The following LGALS2 variants were observed in gnomAD, a reference collection of about 807,000 sequenced individuals.
The protein encoded by LGALS2 is galectin-2.
A neutral mutation model predicts 10.1 loss-of-function variants in LGALS2; 7 were observed. The observed-to-expected ratio is 0.70, with a 90% confidence interval of 0.40 to 1.31. The LOEUF (loss-of-function observed/expected upper bound fraction) is 1.31. Among genes scored for constraint, LGALS2 ranks in the 50% most tolerant of loss-of-function variants. The pLI, the probability that LGALS2 is intolerant of heterozygous loss-of-function variation, is 0.01. For missense variants in LGALS2, 167 were observed against 163.6 expected (o/e 1.02, Z -0.11); for synonymous variants, 86 against 64.2 (o/e 1.34, Z -1.63).
chr22:37,570,955 A>C (rs1014890097), intron 2 of LGALS2, among the ~76,000 whole-genome samples: 15 of 152,212 alleles, frequency 9.9e-5, no homozygotes, highest in African/African-American at 3.4e-4. Flanking sequence ...AGGGTAACTG[A>C]TAGTGACAGC....
chr22:37,575,670 G>A (rs939677459), intron 1 of LGALS2, among the ~76,000 whole-genome samples: 1 of 150,902 alleles, frequency 6.6e-6, no homozygotes, highest in African/African-American at 2.4e-5. Context: ...GTCCAGGCCA[G>A]CCTCGACCTC....
At chr22:37,571,562 C>T (rs889117466) in intron 2 of LGALS2, among the ~76,000 whole-genome samples, 9 of 152,196 alleles carry the variant, frequency 5.9e-5, no homozygotes, top group Admixed American at 3.9e-4. Flanking sequence ...GCACCTGCCC[C>T]GCAGGGGGCC....
intron 1 of LGALS2, among the ~76,000 whole-genome samples, chr22:37,572,991 A>G (rs1179337755): frequency 1.4e-5 from 2 of 147,140 alleles, no homozygotes; most frequent in Non-Finnish European, 1.5e-5. Flanking sequence ...CAAAAAAAAA[A>G]GGCCGGGCAC....
intron 1 of LGALS2, among the ~76,000 whole-genome samples, chr22:37,577,102 G>A (rs182712853): frequency 2.0e-5 from 3 of 152,224 alleles, no homozygotes; most frequent in African/African-American, 4.8e-5. Context: ...CTTATCTGTC[G>A]TATAAGGGAT....
At chr22:37,575,550 T>C (rs1925647948) in intron 1 of LGALS2, among the ~76,000 whole-genome samples, 1 of 151,744 alleles carries the variant, frequency 6.6e-6, no homozygotes, top group Admixed American at 6.6e-5. Flanking sequence ...AGCCTTGACC[T>C]CTTGGGCTCA....
rs185987788 is a variant in LGALS2, at chr22:37,571,541, G to A, written c.89+308C>T. On this transcript the variant is annotated intron_variant, in intron 2 of 3. Coordinates refer to ENST00000215886, the MANE Select transcript of LGALS2 (RefSeq NM_006498.3). ...GGGTGGTGTCTCTGGGGATTTGGGC[G>A]TTCCCTAGAGGCACCTGCCCCGCAG... Among the ~76,000 whole-genome samples, 232 of 152,280 alleles carry A rather than the reference G, an allele frequency of 1.5e-3. 1 individual carries two copies. The highest frequency in any genetic ancestry group is 5.2e-3 in the African/African-American group (215 of 41,558).
At position 37,579,247 on chromosome 22, in the gene LGALS2, C is replaced by CAAA. The variant is rs111697536; in HGVS notation, c.6+650_6+652dup. The stretch of plus-strand genomic sequence containing the variant: ...TGGGCAACAGAGCGAGACTCCATCT[C>CAAA]AAAAAAAAAAAAAAAAAGAGAAAGA... On this transcript the variant is annotated intron_variant, in intron 1 of 3. Transcript: ENST00000215886. Among the ~76,000 whole-genome samples the CAAA allele has an allele frequency of 5.8e-3, 194 of 33,574 alleles. 17 individuals carry two copies. Among genetic ancestry groups the CAAA allele is most frequent in the African/African-American group, 0.019 (184 of 9,446 alleles). The allele number at this position is 33,574 out of a possible 152,430, so 22.0% of individuals were successfully genotyped here. A position where few individuals can be genotyped will look rare whatever the true frequency, so the allele number is the denominator to read the frequency against.
intron 1 of LGALS2, among the ~76,000 whole-genome samples, chr22:37,573,159 TA>T (rs1482332056): frequency 6.6e-6 from 1 of 151,936 alleles, no homozygotes. Context: ...TAGTCCCAGC[TA>T]CTTGGGAGGC....
intron 1 of LGALS2, among the ~76,000 whole-genome samples, chr22:37,575,876 G>C (rs73884093): frequency 0.081 from 12,265 of 152,296 alleles, 1,244 homozygotes; most frequent in African/African-American, 0.24. Flanking sequence ...AGCCTTGGCC[G>C]TCTGGACGTT....
At chr22:37,578,138 G>C (rs572292155) in intron 1 of LGALS2, among the ~76,000 whole-genome samples, 1 of 152,238 alleles carries the variant, frequency 6.6e-6, no homozygotes, top group Non-Finnish European at 1.5e-5. Flanking sequence ...GCTCAGAGAC[G>C]GTCAGTGACT....
At chr22:37,576,773 T>A (rs1183415483) in intron 1 of LGALS2, among the ~76,000 whole-genome samples, 1 of 152,140 alleles carries the variant, frequency 6.6e-6, no homozygotes, top group Non-Finnish European at 1.5e-5. Flanking sequence ...GGGGGCTGCC[T>A]GACTGAAACA....
chr22:37,573,261 ACT>A (rs906606661), intron 1 of LGALS2, among the ~76,000 whole-genome samples: 2 of 151,996 alleles, frequency 1.3e-5, no homozygotes, highest in African/African-American at 4.9e-5. Context: ...ACAGAGCAAG[ACT>A]CTGTCTCAAA....
chr22:37,571,754 T>G (rs1417347767), intron 2 of LGALS2, 95 bp downstream of exon 2: 1 of 975,534 alleles, frequency 1.0e-6, no homozygotes, highest in African/African-American at 1.6e-5. Context: ...CTGACGTCCC[T>G]CTTGCCTGAG....
At chr22:37,578,776 CCT>C (rs1441304181) in intron 1 of LGALS2, 1 of 151,002 alleles carries the variant, frequency 6.6e-6, no homozygotes, top group African/African-American at 2.4e-5. Context: ...ATGGTGAAAC[CCT>C]GTCTCTACTT....
Position 37,578,199 on chromosome 22 carries a change from G to A in LGALS2, c.6+1701C>T, listed in dbSNP as rs117576778. Among the ~76,000 whole-genome samples, 57 of 152,322 alleles carry A rather than the reference G, an allele frequency of 3.7e-4. No homozygotes were observed. The East Asian group carries it at 9.3e-3, about 25-fold the overall frequency. Reference sequence around the variant, plus strand: ...TGGCAGAGTCTGGTGTAGAATCAACGAATCAGAGACCTCAGTGGGAATCCA... The same window carrying A: ...TGGCAGAGTCTGGTGTAGAATCAACAAATCAGAGACCTCAGTGGGAATCCA... On this transcript the variant is annotated intron_variant, in intron 1 of 3. Transcript: ENST00000215886.
intron 1 of LGALS2, among the ~76,000 whole-genome samples, chr22:37,575,766 T>C (rs922571982): frequency 6.6e-6 from 1 of 152,094 alleles, no homozygotes; most frequent in Admixed American, 6.5e-5. Context: ...GGCAGTACAT[T>C]TTATAAGAGA....
In LGALS2 at chr22:37,580,060, T is replaced by G. The variant is rs1925804900; in HGVS notation, c.-155A>C. 1 of 617,880 alleles carries G rather than the reference T, an allele frequency of 1.6e-6. No homozygotes were observed. The highest frequency in any genetic ancestry group is 2.8e-6 in the Non-Finnish European group (1 of 358,796). The allele number at this position is 617,880 out of a possible 1,614,324, so 38.3% of individuals were successfully genotyped here. ...CCCTTCTACCTTGTGTCTCCCCGCC[T>G]GCATCTCCCAGTACCCAGCACAAAC... On this transcript the variant is annotated 5_prime_UTR_variant, in exon 1 of 4. Coordinates refer to ENST00000215886, the MANE Select transcript of LGALS2 (RefSeq NM_006498.3).
intron 1 of LGALS2, among the ~76,000 whole-genome samples, chr22:37,579,309 T>TGCCTG (rs1925780782): frequency 6.8e-6 from 1 of 148,080 alleles, no homozygotes; most frequent in Non-Finnish European, 1.5e-5. Flanking sequence ...TGGTAGTGAG[T>TGCCTG]GCCTGGGGTC....
chr22:37,576,941 G>A (rs1027873494), intron 1 of LGALS2, among the ~76,000 whole-genome samples: 3 of 146,176 alleles, frequency 2.1e-5, no homozygotes, highest in Non-Finnish European at 4.5e-5. Context: ...AGTCAAAGGC[G>A]CAGAGAGAGA....
Sources: allele counts gnomAD v4.1 joint callset (sites outside exome capture counted in the v4.1 genomes callset), GRCh38; gene constraint gnomAD v4.1.1; transcripts MANE v1.5; gene names NCBI Gene and HGNC (gene_info 2026-07-23, HGNC 2026-07-21).